The following AGPAT3 variants were observed in gnomAD, a reference collection of about 807,000 sequenced individuals.
AGPAT3 encodes 1-acylglycerol-3-phosphate O-acyltransferase 3.
AGPAT3 carries 5 observed loss-of-function variants against 47.3 expected under a neutral mutation model. The ratio of observed to expected loss-of-function variants is 0.11; its 90% CI spans 0.06 to 0.22. AGPAT3 has a LOEUF of 0.22. Ranked by LOEUF, AGPAT3 falls within the 10% of genes least tolerant of loss-of-function variation. The pLI is 1.00. For missense variants in AGPAT3, 315 were observed against 493.0 expected, an observed-to-expected ratio of 0.64 and a Z score of 3.42; for synonymous variants, 212 against 208.3, an observed-to-expected ratio of 1.02 and a Z score of -0.15.
intron 1 of AGPAT3, among the ~76,000 whole-genome samples, chr21:43,898,715 C>T (rs1029819782): frequency 5.9e-5 from 9 of 152,206 alleles, no homozygotes; most frequent in East Asian, 5.8e-4. Flanking sequence ...TTAGTAGAGA[C>T]GGGGTTTCTC....
Position 43,959,630 on chromosome 21 carries a change from G to A in AGPAT3, c.-48-4G>A. 1 of 1,604,172 alleles carries A rather than the reference G, an allele frequency of 6.2e-7. No individual in the cohort carries two copies. ...TGACGCTGTCCCTGTCCCTGTCTTT[G>A]CAGGACGGCTGTCCTCAGCGAGGGG... On this transcript the variant is annotated splice_polypyrimidine_tract_variant and splice_region_variant and intron_variant, in intron 2 of 9. Transcript: ENST00000291572.
chr21:43,896,582 C>T (rs1422460003), intron 1 of AGPAT3, among the ~76,000 whole-genome samples: 1 of 152,224 alleles, frequency 6.6e-6, no homozygotes, highest in African/African-American at 2.4e-5. Context: ...TTGTTTATGT[C>T]TTGTCTACAG....
At position 43,969,255 on chromosome 21, in the gene AGPAT3, G is replaced by A. The variant is rs2089290595; in HGVS notation, c.486G>A (p.Leu162=). Residue 162 remains leucine, a synonymous_variant, in exon 5 of 10, where the codon CTG becomes CTA. Coordinates refer to ENST00000291572, the MANE Select transcript of AGPAT3 (RefSeq NM_020132.5). The part of the protein sequence containing the change: ...RDTVVEGLRR[L]SDYPEYMWFL... The stretch of plus-strand genomic sequence containing the variant: ...CCGTGGTCGAAGGGCTGAGGCGCCT[G>A]TCGGACTACCCCGAGTACATGTGGG... The A allele has an allele frequency of 1.9e-6, 3 of 1,614,130 alleles. No homozygotes were observed. In the South Asian group the frequency reaches 3.3e-5, roughly 18 times the overall value.
chr21:43,967,864 T>C, intron 3 of AGPAT3, 82 bp from the exon 4 acceptor site: 3 of 1,410,492 alleles, frequency 2.1e-6, no homozygotes, highest in South Asian at 1.3e-5. Context: ...ACAAAAATAC[T>C]GTAGGTGTCT....
chr21:43,865,784 C>G (rs902328033), intron 1 of AGPAT3, among the ~76,000 whole-genome samples: 51 of 152,106 alleles, frequency 3.4e-4, no homozygotes, highest in African/African-American at 1.2e-3. Context: ...CTCGGCTCCC[C>G]CGTGGACAGG....
At chr21:43,972,526 T>C (rs1001665407) in intron 7 of AGPAT3, among the ~76,000 whole-genome samples, 8 of 152,188 alleles carry the variant, frequency 5.3e-5, no homozygotes, top group African/African-American at 1.4e-4. Context: ...TGAAATAAAA[T>C]GGGAGTGGCG....
chr21:43,971,796 G>A (rs1601462805), intron 7 of AGPAT3, among the ~76,000 whole-genome samples: 2 of 152,222 alleles, frequency 1.3e-5, no homozygotes, highest in Non-Finnish European at 2.9e-5. Flanking sequence ...CCTGGCTTTC[G>A]AGGCCACCTC....
chr21:43,883,774 A>G (rs1023607483), intron 1 of AGPAT3, among the ~76,000 whole-genome samples: 9 of 152,108 alleles, frequency 5.9e-5, no homozygotes, highest in Non-Finnish European at 1.0e-4. Context: ...TTGTATTTTT[A>G]GTAGAGATGG....
At chr21:43,937,826 G>A (rs1375880987) in intron 2 of AGPAT3, among the ~76,000 whole-genome samples, 1 of 152,176 alleles carries the variant, frequency 6.6e-6, no homozygotes, top group African/African-American at 2.4e-5. Flanking sequence ...CTCTAAGGCA[G>A]TCATTAGGAC....
chr21:43,962,782 C>T (rs551459518), intron 3 of AGPAT3, among the ~76,000 whole-genome samples: 3 of 152,344 alleles, frequency 2.0e-5, no homozygotes, highest in South Asian at 4.1e-4. Flanking sequence ...AACGAAAGTA[C>T]ACTCTGGAGA....
At chr21:43,921,062 G>A (rs1028706012) in intron 2 of AGPAT3, among the ~76,000 whole-genome samples, 2 of 152,290 alleles carry the variant, frequency 1.3e-5, no homozygotes, top group Middle Eastern at 3.4e-3. Flanking sequence ...GCAGTGAGCC[G>A]AGATCGGGCC....
At chr21:43,924,304 C>T (rs1569067157) in intron 2 of AGPAT3, among the ~76,000 whole-genome samples, 5 of 151,912 alleles carry the variant, frequency 3.3e-5, no homozygotes, top group South Asian at 2.1e-4. Flanking sequence ...GGATTACAGG[C>T]GTGAGCCATC....
intron 1 of AGPAT3, among the ~76,000 whole-genome samples, chr21:43,871,893 A>G (rs191476666): frequency 5.6e-4 from 85 of 152,266 alleles, no homozygotes; most frequent in African/African-American, 1.9e-3. Flanking sequence ...AGATAGTTTT[A>G]ATGTAATGTA....
rs962596137 is a variant in AGPAT3 at position 43,986,734 on chromosome 21, C to G, written c.*4342C>G. On this transcript the variant is annotated 3_prime_UTR_variant, in exon 10 of 10. Coordinates refer to ENST00000291572, the MANE Select transcript of AGPAT3 (RefSeq NM_020132.5). ...TTGACCTGAGTGCGCATGACAGCCA[C>G]TGGCTTCTTTTTCTATGATTGAAAA... Among the ~76,000 whole-genome samples the G allele has an allele frequency of 3.9e-5, 6 of 152,256 alleles. No individual in the cohort carries two copies. Among genetic ancestry groups the G allele is most frequent in the African/African-American group, 1.4e-4 (6 of 41,474 alleles).
chr21:43,971,485 C>T lies in AGPAT3; in HGVS notation c.762C>T (p.Cys254=), dbSNP rs529949744. ...LYGKKYEADM[C]VRRFPLEDIP... The stretch of plus-strand genomic sequence containing the variant: ...GGAAGAAGTACGAGGCGGACATGTG[C>T]GTGAGGTGAGGCCAGACCCTGTGGC... The change falls in exon 7 of 10, where the codon TGC becomes TGT. Residue 254 remains cysteine (C), a synonymous_variant. Coordinates refer to ENST00000291572, the MANE Select transcript of AGPAT3 (RefSeq NM_020132.5). 7.4e-5 allele frequency: 120 copies of T among 1,614,016 alleles called. No individual in the cohort carries two copies. Among genetic ancestry groups the T allele is most frequent in the Non-Finnish European group, 9.2e-5 (108 of 1,179,970 alleles).
At position 43,922,008 on chromosome 21, in the gene AGPAT3, G is replaced by A. The variant is rs1043000706; in HGVS notation, c.-49+17989G>A. On this transcript the variant is annotated intron_variant, in intron 2 of 9. Coordinates refer to ENST00000291572, the MANE Select transcript of AGPAT3 (RefSeq NM_020132.5). The surrounding 1 kb of genome is among the most constrained non-coding windows in gnomAD (Gnocchi z 4.9). ...TCTTTTCCTGATTTCTCTGTCTCTC[G>A]ATGCCATTTTTGTGAAGGTTTAGCA... 1.3e-5 allele frequency among the ~76,000 whole-genome samples: 2 copies of A among 152,172 alleles called. No homozygotes were observed. Among genetic ancestry groups the A allele is most frequent in the Non-Finnish European group, 2.9e-5 (2 of 68,032 alleles).
At chr21:43,893,130 A>T (rs532820898) in intron 1 of AGPAT3, among the ~76,000 whole-genome samples, 1 of 152,276 alleles carries the variant, frequency 6.6e-6, no homozygotes, top group African/African-American at 2.4e-5. Flanking sequence ...GAGTGTGGCC[A>T]CCTTCATCAG....
At chr21:43,919,730 T>G (rs1395016284) in intron 2 of AGPAT3, 2 of 152,236 alleles carry the variant, frequency 1.3e-5, no homozygotes, top group South Asian at 4.1e-4. Flanking sequence ...CCACAGTGGT[T>G]GTACTAGTTT....
chr21:43,886,492 T>C (rs972570201), intron 1 of AGPAT3, among the ~76,000 whole-genome samples: 1 of 152,126 alleles, frequency 6.6e-6, no homozygotes, highest in African/African-American at 2.4e-5. Context: ...CCTCAAGTGA[T>C]CCACCCGACT....
Sources: gnomAD v4.1 joint callset for allele counts (sites outside exome capture counted in the v4.1 genomes callset) on GRCh38, gnomAD v4.1.1 for gene constraint, Gnocchi (gnomAD v3.1) non-coding constraint, MANE v1.5 for transcripts, NCBI Gene and HGNC (gene_info 2026-07-23, HGNC 2026-07-21) for gene names.